Variants in RTL4 observed in about 807,000 individuals in gnomAD.
The protein encoded by RTL4 is retrotransposon Gag-like protein 4.
Under a neutral mutation model 5.3 loss-of-function variants are expected in RTL4, and 4 were observed. The ratio of observed to expected loss-of-function variants is 0.75; its 90% CI spans 0.37 to 1.72. The LOEUF is 1.72. Ranked by LOEUF, RTL4 falls within the 40% of genes most tolerant of loss-of-function variation. The probability of loss-of-function intolerance (pLI) is 0.04; values close to 1 mark genes in which losing one functional copy is unlikely to be tolerated. For missense variants in RTL4, 260 were observed against 227.1 expected (o/e 1.14, Z -0.93); for synonymous variants, 98 against 87.3 (o/e 1.12, Z -0.68).
At chrX:112,270,391 C>T in the RTL4 span, among the ~76,000 whole-genome samples, 1 of 111,899 alleles carries the variant, frequency 8.9e-6, no homozygotes, top group Non-Finnish European at 1.9e-5. Context: ...TAACAAATGA[C>T]TTTTGGATTA....
the RTL4 span, among the ~76,000 whole-genome samples, chrX:112,443,862 A>G: frequency 9.0e-6 from 1 of 111,377 alleles, no homozygotes; most frequent in African/African-American, 3.3e-5. Flanking sequence ...GTAGTTTGCA[A>G]ATATTTTATT....
chrX:112,317,818 G>A, the RTL4 span, among the ~76,000 whole-genome samples: 1 of 111,695 alleles, frequency 9.0e-6, no homozygotes, highest in Non-Finnish European at 1.9e-5. Flanking sequence ...CTAGTAAGTG[G>A]TAGAGTTGGG....
At chrX:112,254,476 C>T in the RTL4 span, among the ~76,000 whole-genome samples, 2 of 110,392 alleles carry the variant, frequency 1.8e-5, no homozygotes, top group Admixed American at 1.9e-4. Flanking sequence ...ACTACAAGCA[C>T]ACGCCACTAC....
the RTL4 span, among the ~76,000 whole-genome samples, chrX:112,377,015 G>A: frequency 8.9e-6 from 1 of 112,160 alleles, no homozygotes; most frequent in African/African-American, 3.2e-5. Flanking sequence ...GCATTAGAAA[G>A]AAATGTTAGT....
At chrX:112,302,729 G>A in the RTL4 span, among the ~76,000 whole-genome samples, 1 of 112,349 alleles carries the variant, frequency 8.9e-6, no homozygotes, top group Non-Finnish European at 1.9e-5. Context: ...AATGTGCTAG[G>A]CTTTGTGCTT....
chrX:112,286,664 C>CA, the RTL4 span, among the ~76,000 whole-genome samples: 4 of 111,234 alleles, frequency 3.6e-5, no homozygotes, highest in African/African-American at 6.5e-5. Context: ...CACTACCATC[C>CA]ATCCAATTTC....
At chrX:112,213,989 GT>G in the RTL4 span, among the ~76,000 whole-genome samples, 27,221 of 110,396 alleles carry the variant, frequency 0.25, 3,264 homozygotes, top group African/African-American at 0.47. Flanking sequence ...ATCTCCCAAA[GT>G]TTCCCCTTGC....
chrX:112,264,726 C>T, the RTL4 span, among the ~76,000 whole-genome samples: 1 of 111,635 alleles, frequency 9.0e-6, no homozygotes, highest in African/African-American at 3.3e-5. Context: ...CAATCCCCTC[C>T]CACACTGGAG....
At chrX:112,331,245 C>T in the RTL4 span, among the ~76,000 whole-genome samples, 164 of 106,725 alleles carry the variant, frequency 1.5e-3, no homozygotes, top group African/African-American at 5.3e-3. Context: ...AGAAAATTTT[C>T]GCAACCTACT....
the RTL4 span, among the ~76,000 whole-genome samples, chrX:112,246,544 C>T: frequency 8.9e-6 from 1 of 112,232 alleles, no homozygotes; most frequent in African/African-American, 3.2e-5. Context: ...GATATAATCT[C>T]CTGGTGTGCC....
chrX:112,359,507 A>G, the RTL4 span, among the ~76,000 whole-genome samples: 1 of 104,066 alleles, frequency 9.6e-6, no homozygotes, highest in East Asian at 2.9e-4. Flanking sequence ...TTGCTGCACA[A>G]TGACTCCTTG....
the RTL4 span, among the ~76,000 whole-genome samples, chrX:112,245,514 C>T: frequency 5.4e-5 from 6 of 111,812 alleles, no homozygotes; most frequent in Admixed American, 9.5e-5. Flanking sequence ...GCATGCGTCA[C>T]GTAGTTCTCA....
At chrX:112,147,372 C>A in the RTL4 span, among the ~76,000 whole-genome samples, 3 of 110,710 alleles carry the variant, frequency 2.7e-5, no homozygotes, top group African/African-American at 6.6e-5. Context: ...TTTTAGAATC[C>A]TAGAATTCAG....
At chrX:112,154,009 T>C in the RTL4 span, among the ~76,000 whole-genome samples, 1 of 111,164 alleles carries the variant, frequency 9.0e-6, no homozygotes, top group Non-Finnish European at 1.9e-5. Flanking sequence ...CCTGTTAGTC[T>C]CTGTTCATTT....
chrX:112,206,715 G>T, the RTL4 span, among the ~76,000 whole-genome samples: 3 of 111,336 alleles, frequency 2.7e-5, no homozygotes, highest in Non-Finnish European at 3.8e-5. Flanking sequence ...TTCCAAATTT[G>T]TGCCTCTCTA....
At chrX:112,244,548 T>C in the RTL4 span, among the ~76,000 whole-genome samples, 2 of 111,684 alleles carry the variant, frequency 1.8e-5, no homozygotes, top group African/African-American at 3.3e-5. Flanking sequence ...ATTTGCTTAG[T>C]AGATCTTCCT....
the RTL4 span, among the ~76,000 whole-genome samples, chrX:112,090,802 T>A: frequency 7.2e-5 from 8 of 111,154 alleles, no homozygotes; most frequent in African/African-American, 2.6e-4. Flanking sequence ...AAAATTTTTT[T>A]AGAAGATTTA....
At chrX:112,315,114 A>G in the RTL4 span, among the ~76,000 whole-genome samples, 1 of 111,809 alleles carries the variant, frequency 8.9e-6, no homozygotes. Flanking sequence ...AAAAAACCTT[A>G]TATTGCTGAA....
chrX:112,434,173 AG>A, the RTL4 span, among the ~76,000 whole-genome samples: 2 of 105,738 alleles, frequency 1.9e-5, no homozygotes, highest in Non-Finnish European at 3.9e-5. Flanking sequence ...ATGTTCATCA[AG>A]GATATTGGTC....
Sources: allele counts gnomAD v4.1 joint callset (sites outside exome capture counted in the v4.1 genomes callset), GRCh38; gene constraint gnomAD v4.1.1; transcripts MANE v1.5; gene names NCBI Gene and HGNC (gene_info 2026-07-23, HGNC 2026-07-21).